DRC11L: variants seen among roughly 807,000 people sequenced by gnomAD.
DRC11L encodes dynein regulatory complex subunit like-11.
chr7:151,202,975 C>A, the DRC11L span: 1 of 399,794 alleles, frequency 2.5e-6, no homozygotes, highest in Admixed American at 4.4e-5. Flanking sequence ...CCGAATCCTC[C>A]CATCCTGCTC....
chr7:151,202,083 G>A, the DRC11L span, among the ~76,000 whole-genome samples: 1 of 152,346 alleles, frequency 6.6e-6, no homozygotes, highest in African/African-American at 2.4e-5. Context: ...TTAGGGCAGA[G>A]AAGGGCTTTC....
chr7:151,194,326 C>T, the DRC11L span: 11 of 399,136 alleles, frequency 2.8e-5, no homozygotes, highest in Non-Finnish European at 4.4e-5. Flanking sequence ...GCAACTTCTT[C>T]ACCAAACTCA....
At chr7:151,193,596 A>G in the DRC11L span, 13 of 398,392 alleles carry the variant, frequency 3.3e-5, no homozygotes, top group Non-Finnish European at 5.7e-5. Context: ...CTGGGGGAGG[A>G]GGTGCAGATC....
chr7:151,200,238 C>A, the DRC11L span: 1 of 397,870 alleles, frequency 2.5e-6, no homozygotes, highest in South Asian at 1.4e-4. Context: ...GTCCTTCTGC[C>A]TCTTTCTCTC....
the DRC11L span, chr7:151,191,101 T>C: frequency 3.8e-5 from 15 of 399,164 alleles, no homozygotes; most frequent in African/African-American, 2.7e-4. Context: ...GGTTGGTGGG[T>C]ACAGGAGTGG....
chr7:151,197,132 A>G, the DRC11L span: 1 of 399,420 alleles, frequency 2.5e-6, no homozygotes, highest in Non-Finnish European at 4.4e-6. Context: ...ACCTGAACCC[A>G]TCTTCCTACC....
chr7:151,202,995 T>A, the DRC11L span: 2 of 399,842 alleles, frequency 5.0e-6, no homozygotes, highest in Non-Finnish European at 8.8e-6. Flanking sequence ...CCTCATCTCT[T>A]CGAATCTCTC....
chr7:151,204,662 G>C, the DRC11L span: 1 of 399,100 alleles, frequency 2.5e-6, no homozygotes, highest in Non-Finnish European at 4.4e-6. Context: ...GCACCATCTG[G>C]TCATAGACGG....
At chr7:151,197,288 T>C in the DRC11L span, 21 of 399,198 alleles carry the variant, frequency 5.3e-5, 1 homozygote, top group African/African-American at 4.3e-4. Flanking sequence ...TGTTCCTTTT[T>C]TCTGTTCTCT....
chr7:151,204,986 C>G, the DRC11L span: 1 of 398,146 alleles, frequency 2.5e-6, no homozygotes. Context: ...AGGTAAGGAG[C>G]CCGCAGGGCA....
the DRC11L span, chr7:151,194,483 G>A: frequency 1.0e-5 from 4 of 398,954 alleles, no homozygotes; most frequent in Non-Finnish European, 1.8e-5. Context: ...CCTGGCCACA[G>A]AGTGGGAACA....
At chr7:151,200,359 C>G in the DRC11L span, 3 of 399,164 alleles carry the variant, frequency 7.5e-6, no homozygotes, top group East Asian at 3.6e-5. Context: ...CCAGGACCCA[C>G]CATGGTGGGC....
chr7:151,199,109 C>A, the DRC11L span: 1 of 398,088 alleles, frequency 2.5e-6, no homozygotes, highest in Non-Finnish European at 4.4e-6. The surrounding 1 kb of genome is among the most constrained non-coding windows in gnomAD (Gnocchi z 5.2). Context: ...CCCACTCCTT[C>A]CCCAACACCA....
the DRC11L span, chr7:151,193,452 A>G: frequency 2.5e-6 from 1 of 399,206 alleles, no homozygotes; most frequent in Non-Finnish European, 4.4e-6. Context: ...AGGAGGATGG[A>G]GCGGATGAGT....
the DRC11L span, chr7:151,199,132 G>T: frequency 2.5e-6 from 1 of 397,996 alleles, no homozygotes; most frequent in Non-Finnish European, 4.4e-6. The surrounding 1 kb of genome is among the most constrained non-coding windows in gnomAD (Gnocchi z 5.2). Context: ...CTCACACAAG[G>T]CCTCACACAC....
the DRC11L span, chr7:151,192,821 T>A: frequency 2.5e-6 from 1 of 398,926 alleles, no homozygotes; most frequent in Non-Finnish European, 4.4e-6. Flanking sequence ...GCTGTAGGAG[T>A]CGGGCTACCT....
chr7:151,201,716 T>C, the DRC11L span, among the ~76,000 whole-genome samples: 1 of 151,700 alleles, frequency 6.6e-6, no homozygotes, highest in Admixed American at 6.6e-5. This position sits in a 1 kb window ranked among gnomAD's most constrained non-coding sequence, Gnocchi z 4.1. Context: ...GCGGGGGAGA[T>C]TGATTTGAGA....
the DRC11L span, chr7:151,194,695 T>C: frequency 2.5e-6 from 1 of 397,470 alleles, no homozygotes; most frequent in Non-Finnish European, 4.4e-6. Flanking sequence ...GCTGTTGTCA[T>C]GAAGACAGGG....
At chr7:151,196,369 G>A in the DRC11L span, 2 of 398,972 alleles carry the variant, frequency 5.0e-6, no homozygotes, top group Non-Finnish European at 8.8e-6. Flanking sequence ...GGAGGAGCCT[G>A]AATCTGGCTG....
Sources: allele counts gnomAD v4.1 joint callset (sites outside exome capture counted in the v4.1 genomes callset), GRCh38; gene constraint gnomAD v4.1.1; non-coding constraint Gnocchi (gnomAD v3.1); transcripts MANE v1.5; gene names NCBI Gene and HGNC (gene_info 2026-07-23, HGNC 2026-07-21).